The following DLGAP1 variants were observed in gnomAD, a reference collection of about 807,000 sequenced individuals.
DLGAP1 encodes the protein disks large-associated protein 1.
A neutral mutation model predicts 90.8 loss-of-function variants in DLGAP1; 11 were observed. The observed-to-expected ratio is 0.12, with a 90% CI of 0.08 to 0.20. DLGAP1 has a LOEUF of 0.20. Among genes scored for constraint, DLGAP1 ranks in the 10% least tolerant of loss-of-function variants. The probability of loss-of-function intolerance (pLI) is 1.00; values close to 1 mark genes in which losing one functional copy is unlikely to be tolerated. For synonymous variants in DLGAP1, 558 were observed against 540.7 expected (o/e 1.03, Z -0.44); for missense variants, 1,050 against 1,333.8 (o/e 0.79, Z 3.31).
chr18:3,612,651 G>A (rs1169526002), intron 7 of DLGAP1, among the ~76,000 whole-genome samples: 1 of 152,156 alleles, frequency 6.6e-6, no homozygotes, highest in Non-Finnish European at 1.5e-5. Context: ...TGGAATCCCT[G>A]TAACACACTC....
In DLGAP1 at chr18:3,772,382, TTCTTTCTTTCTTTCTTTCTTTCTTTC is replaced by T. The variant is rs1402291495; in HGVS notation, c.1173-29896_1173-29871del. On this transcript the variant is annotated intron_variant, in intron 5 of 12. Transcript: ENST00000315677. ...TTTCTTTCTTTCTTTCTTTCTTTCT[TTCTTTCTTTCTTTCTTTCTTTCTTTC>T]TCTTTCTTTCTTTCCTTCCTTCCTC... 1.4e-3 allele frequency among the ~76,000 whole-genome samples: 18 copies of T among 12,740 alleles called. 1 individual carries two copies. Among genetic ancestry groups the T allele is most frequent in the East Asian group, 9.3e-3 (4 of 428 alleles). 8.4% of individuals were successfully genotyped at this position (12,740 alleles called of 152,430 possible).
chr18:3,732,360 T>C (rs2062466226), intron 6 of DLGAP1, among the ~76,000 whole-genome samples: 1 of 152,274 alleles, frequency 6.6e-6, no homozygotes, highest in Admixed American at 6.5e-5. Flanking sequence ...TCTAGATTTG[T>C]TAATCCTTGG....
chr18:3,516,534 G>A (rs899184861), intron 10 of DLGAP1, among the ~76,000 whole-genome samples: 8 of 152,160 alleles, frequency 5.3e-5, no homozygotes, highest in African/African-American at 1.9e-4. Flanking sequence ...TCCGTAGGCT[G>A]TGGAATGGAT....
rs113110054 is a variant in DLGAP1, at chr18:4,276,430, G to A, written c.-266-125143C>T. 3.4e-3 allele frequency among the ~76,000 whole-genome samples: 510 copies of A among 152,074 alleles called. 2 individuals carry two copies. The highest frequency in any genetic ancestry group is 0.012 in the African/African-American group (485 of 41,496). On this transcript the variant is annotated intron_variant, in intron 1 of 12. Coordinates refer to ENST00000315677, the MANE Select transcript of DLGAP1 (RefSeq NM_004746.4). Reference sequence around the variant, plus strand: ...GCAGGCGGATCACTCGAGGTCAGGAGCTCAAGACCAGCCTGGCCAACGTGG... The same window carrying A: ...GCAGGCGGATCACTCGAGGTCAGGAACTCAAGACCAGCCTGGCCAACGTGG...
chr18:4,278,686 A>G (rs1342424189), intron 1 of DLGAP1, among the ~76,000 whole-genome samples: 2 of 151,888 alleles, frequency 1.3e-5, no homozygotes, highest in Non-Finnish European at 2.9e-5. Context: ...GGGTGTGTAT[A>G]TAACATTTTC....
chr18:3,503,325 CTA>C (rs1402661369), intron 11 of DLGAP1, among the ~76,000 whole-genome samples: 1 of 152,166 alleles, frequency 6.6e-6, no homozygotes, highest in African/African-American at 2.4e-5. Context: ...ATCTCTACAT[CTA>C]TATGTCTGTA....
chr18:3,886,915 C>A (rs1406474464), intron 3 of DLGAP1, among the ~76,000 whole-genome samples: 1 of 152,166 alleles, frequency 6.6e-6, no homozygotes, highest in Non-Finnish European at 1.5e-5. Flanking sequence ...GCTGTGGGGG[C>A]TGGGTGAATA....
chr18:3,534,647 G>A, intron 9 of DLGAP1, 32 bp from the exon 10 acceptor site: 3 of 1,490,202 alleles, frequency 2.0e-6, no homozygotes, highest in Non-Finnish European at 2.7e-6. Context: ...AATTTAGTTA[G>A]AGGATATTTC....
chr18:3,818,751 A>T (rs2067237619), intron 4 of DLGAP1, among the ~76,000 whole-genome samples: 1 of 151,484 alleles, frequency 6.6e-6, no homozygotes, highest in South Asian at 2.1e-4. Context: ...GCCCGCCACC[A>T]TGCCTGGCTA....
intron 1 of DLGAP1, among the ~76,000 whole-genome samples, chr18:4,315,993 C>A (rs1341113968): frequency 6.6e-6 from 1 of 152,150 alleles, no homozygotes; most frequent in Non-Finnish European, 1.5e-5. Flanking sequence ...CAGGTTCTTG[C>A]TATAAACACA....
At chr18:4,290,056 T>A (rs1041842178) in intron 1 of DLGAP1, among the ~76,000 whole-genome samples, 1 of 152,220 alleles carries the variant, frequency 6.6e-6, no homozygotes, top group African/African-American at 2.4e-5. Context: ...ATAGAAGTGC[T>A]ACTACATCTG....
chr18:4,401,921 G>A (rs553882959), intron 1 of DLGAP1, among the ~76,000 whole-genome samples: 4 of 152,174 alleles, frequency 2.6e-5, no homozygotes, highest in African/African-American at 9.6e-5. Flanking sequence ...CTATATTCCT[G>A]CCAAATTCTA....
Position 3,742,488 on chromosome 18 carries a change from T to C in DLGAP1, c.1197A>G (p.Lys399=). 1 of 1,614,034 alleles carries C rather than the reference T, an allele frequency of 6.2e-7. No homozygotes were observed. The highest frequency in any genetic ancestry group is 8.5e-7 in the Non-Finnish European group (1 of 1,180,004). ...TLKISNEHSP[K]LQIRSHSYLR... ...GGTAACTATGACTCCGGATCTGGAG[T>C]TTGGGTGAGTGTTCATTGGAGATTC... is the stretch of plus-strand genomic sequence containing the variant. The change falls in exon 6 of 13, where the codon AAA becomes AAG. Residue 399 remains lysine (K), a synonymous_variant. Transcript: ENST00000315677.
intron 6 of DLGAP1, among the ~76,000 whole-genome samples, chr18:3,740,988 CCACCATCACCT>C (rs2062896220): frequency 1.4e-5 from 2 of 140,806 alleles, no homozygotes; most frequent in Non-Finnish European, 3.1e-5. Context: ...ACCACCACCA[CCACCATCACCT>C]CACCACCACC....
At chr18:4,055,463 T>A (rs773017622) in intron 2 of DLGAP1, among the ~76,000 whole-genome samples, 5 of 152,186 alleles carry the variant, frequency 3.3e-5, no homozygotes, top group Non-Finnish European at 4.4e-5. Flanking sequence ...GGCCCCGGTG[T>A]CGTCTGTTGT....
Position 3,727,273 on chromosome 18 carries a change from A to G in DLGAP1, c.1591+1862T>C, listed in dbSNP as rs1457191746. Among the ~76,000 whole-genome samples the G allele has an allele frequency of 1.3e-5, 2 of 152,154 alleles. No homozygotes were observed. Among genetic ancestry groups the G allele is most frequent in the African/African-American group, 2.4e-5 (1 of 41,448 alleles). On this transcript the variant is annotated intron_variant, in intron 7 of 12. Transcript: ENST00000315677. This position sits in a 1 kb window ranked among gnomAD's most constrained non-coding sequence, Gnocchi z 4.7. ...GAAGTGTCTTAGGAGGGCAGACCCC[A>G]TGTGTGTTTGGAGTGAAGAGCATGG...
intron 2 of DLGAP1, among the ~76,000 whole-genome samples, chr18:4,093,584 A>C (rs376275820): frequency 6.5e-5 from 2 of 30,700 alleles, no homozygotes; most frequent in African/African-American, 1.3e-4. Flanking sequence ...AACATTAATC[A>C]AAAAAAAAAA....
At chr18:3,991,346 C>A (rs1225628039) in intron 3 of DLGAP1, among the ~76,000 whole-genome samples, 4 of 152,038 alleles carry the variant, frequency 2.6e-5, no homozygotes, top group African/African-American at 7.3e-5. Flanking sequence ...CTCTGTATTT[C>A]CGGTGGGGGG....
At chr18:4,236,384 G>C (rs538721330) in intron 1 of DLGAP1, among the ~76,000 whole-genome samples, 1 of 152,286 alleles carries the variant, frequency 6.6e-6, no homozygotes, top group South Asian at 2.1e-4. Context: ...TGGAAGGATA[G>C]TGTGCAAACT....
Sources: allele counts gnomAD v4.1 joint callset (sites outside exome capture counted in the v4.1 genomes callset), GRCh38; gene constraint gnomAD v4.1.1; non-coding constraint Gnocchi (gnomAD v3.1); transcripts MANE v1.5; gene names NCBI Gene and HGNC (gene_info 2026-07-23, HGNC 2026-07-21).